The following PACS2 variants were observed in gnomAD, a reference collection of about 807,000 sequenced individuals.
PACS2 encodes the protein phosphofurin acidic cluster sorting protein 2, also known as PACS1-like protein.
A neutral mutation model predicts 113.0 loss-of-function variants in PACS2; 36 were observed. That is an observed-to-expected ratio of 0.32 (90% CI 0.24 to 0.42). The LOEUF (loss-of-function observed/expected upper bound fraction) is 0.42, where lower values mean the gene tolerates loss of function less well. Among genes scored for constraint, PACS2 ranks in the 10% least tolerant of loss-of-function variants. PACS2 has a pLI of 1.00. For synonymous variants in PACS2, 589 were observed against 536.1 expected (o/e 1.10, Z -1.36); for missense variants, 1,015 against 1,239.5 (o/e 0.82, Z 2.72).
upstream of PACS2, among the ~76,000 whole-genome samples, chr14:105,312,627 C>T (rs902934457): frequency 1.2e-4 from 19 of 152,092 alleles, no homozygotes; most frequent in African/African-American, 4.4e-4. Context: ...GGATCTCCTC[C>T]TGTGACCCAC....
chr14:105,393,076 C>T (rs781856443), intron 23 of PACS2, 146 bp from the exon 24 acceptor site: 12 of 725,594 alleles, frequency 1.7e-5, no homozygotes, highest in Non-Finnish European at 2.9e-5. Flanking sequence ...AGCAGCTGTC[C>T]TCAGTCACCG....
At chr14:105,387,508 C>T (rs1555413856) in intron 19 of PACS2, among the ~76,000 whole-genome samples, 1 of 152,222 alleles carries the variant, frequency 6.6e-6, no homozygotes, top group African/African-American at 2.4e-5. Context: ...GTGGTATGCT[C>T]CTTACACTCC....
Position 105,385,702 on chromosome 14 carries a change from T to G in PACS2, c.2018T>G (p.Phe673Cys). 1 of 1,520,536 alleles carries G rather than the reference T, an allele frequency of 6.6e-7. No individual in the cohort carries two copies. The highest frequency in any genetic ancestry group is 8.8e-7 in the Non-Finnish European group (1 of 1,137,554). 94.2% of individuals were successfully genotyped at this position (1,520,536 alleles called of 1,614,324 possible). Residue 673 changes from phenylalanine (F) to cysteine (C), a missense_variant, in exon 19 of 25, where the codon TTT (phenylalanine) becomes TGT (cysteine). This residue lies in a region of PACS2 where 859 missense variants were observed against 1,056.8 expected (regional missense o/e 0.81). Transcript: ENST00000447393. Reference sequence around the variant, plus strand: ...CTGAAAAGGAAAAAGCATTTTCATTTTGACTTTACCCTAAGGTACGGCTCT... The same window carrying G: ...CTGAAAAGGAAAAAGCATTTTCATTGTGACTTTACCCTAAGGTACGGCTCT... ...YKQKRKKHFH[F>C]DFTLSPDEES...
At chr14:105,313,122 T>C (rs890926732), upstream of PACS2, among the ~76,000 whole-genome samples, 12 of 152,260 alleles carry the variant, frequency 7.9e-5, no homozygotes, top group African/African-American at 2.2e-4. Context: ...ATCTCCTCAC[T>C]TGACCCCCAG....
intron 1 of PACS2, among the ~76,000 whole-genome samples, chr14:105,331,175 A>C (rs1273801034): frequency 6.6e-6 from 1 of 152,034 alleles, no homozygotes; most frequent in Non-Finnish European, 1.5e-5. Context: ...GGCTGGTCTC[A>C]AACTCCTGAC....
intron 19 of PACS2, 46 bp downstream of exon 19, chr14:105,385,763 G>A (rs1175397281): frequency 1.0e-5 from 13 of 1,290,196 alleles, no homozygotes; most frequent in African/African-American, 1.5e-5. Flanking sequence ...TCCCCAGGCT[G>A]GTCTTCAGGG....
chr14:105,354,126 A>C lies in PACS2; in HGVS notation c.298-926A>C, dbSNP rs1358505615. 6.6e-6 allele frequency among the ~76,000 whole-genome samples: 1 copy of C among 151,692 alleles called. No individual in the cohort carries two copies. ...AATATAATAACGAGGGCAAAAAAAC[A>C]CTTACTGAGTCAAGGCTATTTTGCT... is the stretch of plus-strand genomic sequence containing the variant. On this transcript the variant is annotated intron_variant, in intron 3 of 24. Transcript: ENST00000447393. This position sits in a 1 kb window ranked among gnomAD's most constrained non-coding sequence, Gnocchi z 4.2.
rs765999259 is a variant in PACS2 at position 105,315,073 on chromosome 14, C to T, written c.119+36C>T. The T allele has an allele frequency of 1.8e-6, 2 of 1,122,324 alleles. No homozygotes were observed. The highest frequency in any genetic ancestry group is 2.7e-5 in the South Asian group (1 of 37,684). 69.5% of individuals were successfully genotyped at this position (1,122,324 alleles called of 1,614,324 possible). On this transcript the variant is annotated intron_variant, in intron 1 of 24. Coordinates refer to ENST00000447393, the MANE Select transcript of PACS2 (RefSeq NM_001100913.3). This position sits in a 1 kb window ranked among gnomAD's most constrained non-coding sequence, Gnocchi z 4.4. ...CCCGCCGCGCTTTGTTCCCGCCGGG[C>T]ACCTGCTGGGGGTGTCCTGGCCGCG... is the stretch of plus-strand genomic sequence containing the variant.
At position 105,317,432 on chromosome 14, in the gene PACS2, T is replaced by TC. The variant is rs2058719790; in HGVS notation, c.119+2397dup. Reference sequence around the variant, plus strand: ...AGTTTTCCAGAGTGGTTGTGCCTGCTCCGGCCCCCACTGACAGGGACGAGA... The same window carrying TC: ...AGTTTTCCAGAGTGGTTGTGCCTGCTCCCGGCCCCCACTGACAGGGACGAGA... On this transcript the variant is annotated intron_variant, in intron 1 of 24. Transcript: ENST00000447393. This position sits in a 1 kb window ranked among gnomAD's most constrained non-coding sequence, Gnocchi z 4.2. Among the ~76,000 whole-genome samples the TC allele has an allele frequency of 6.6e-6, 1 of 152,204 alleles. No individual in the cohort carries two copies. Among genetic ancestry groups the TC allele is most frequent in the East Asian group, 1.9e-4 (1 of 5,188 alleles).
chr14:105,333,199 C>T (rs893550671), intron 1 of PACS2, among the ~76,000 whole-genome samples: 1 of 151,578 alleles, frequency 6.6e-6, no homozygotes, highest in Non-Finnish European at 1.5e-5. Flanking sequence ...CAGTCCCCAC[C>T]CCCTCCTGCT....
intron 1 of PACS2, among the ~76,000 whole-genome samples, chr14:105,318,753 G>A (rs1656254097): frequency 6.6e-6 from 1 of 150,636 alleles, no homozygotes; most frequent in African/African-American, 2.5e-5. Flanking sequence ...CCGCCTCCTG[G>A]GTTCACACCA....
intron 18 of PACS2, 47 bp downstream of exon 18, chr14:105,385,034 C>T: frequency 8.0e-7 from 1 of 1,242,826 alleles, no homozygotes; most frequent in Non-Finnish European, 1.2e-6. Flanking sequence ...CCGCCAGCCA[C>T]CAACCCTCCG....
chr14:105,336,371 C>T (rs138210291), intron 1 of PACS2: 44 of 152,440 alleles, frequency 2.9e-4, no homozygotes, highest in African/African-American at 1.0e-3. Flanking sequence ...GTGGCGCGGC[C>T]GCTTGCCAGG....
chr14:105,382,614 G>A, intron 14 of PACS2, 33 bp downstream of exon 14: 1 of 1,347,070 alleles, frequency 7.4e-7, no homozygotes. Flanking sequence ...TGGAGGGTCA[G>A]GGTGTAGGAC....
chr14:105,378,881 G>GGCCTGGATCA (rs1197350219), intron 9 of PACS2, among the ~76,000 whole-genome samples: 1 of 152,116 alleles, frequency 6.6e-6, no homozygotes, highest in African/African-American at 2.4e-5. Context: ...AGGCATGGGT[G>GGCCTGGATCA]GCCTGGATCA....
At chr14:105,302,176 G>A (rs1036187523) in intron 1 of PACS2, among the ~76,000 whole-genome samples, 2 of 150,886 alleles carry the variant, frequency 1.3e-5, no homozygotes, top group African/African-American at 4.8e-5. Flanking sequence ...AAGGAAATGC[G>A]GAAGACCCCA....
At chr14:105,386,071 C>T (rs2081166946) in intron 19 of PACS2, among the ~76,000 whole-genome samples, 1 of 152,208 alleles carries the variant, frequency 6.6e-6, no homozygotes, top group Admixed American at 6.5e-5. Flanking sequence ...CTGTTTTGAC[C>T]CTGGGTTTTG....
At chr14:105,309,753 A>G (rs1444407127), upstream of PACS2, among the ~76,000 whole-genome samples, 1 of 146,488 alleles carries the variant, frequency 6.8e-6, no homozygotes, top group Non-Finnish European at 1.5e-5. The surrounding 1 kb of genome is among the most constrained non-coding windows in gnomAD (Gnocchi z 4.0). Flanking sequence ...AGCCTGCATT[A>G]AGGAGAAGGT....
chr14:105,394,452 T>C, intron 24 of PACS2, 102 bp from the exon 25 acceptor site: 2 of 1,563,426 alleles, frequency 1.3e-6, no homozygotes, highest in Non-Finnish European at 1.7e-6. Context: ...CTTCTCATCC[T>C]GTACGCCCGG....
Sources: gnomAD v4.1 joint callset for allele counts (sites outside exome capture counted in the v4.1 genomes callset) on GRCh38, gnomAD v4.1.1 for gene constraint, gnomAD v4.1.1 regional missense constraint, Gnocchi (gnomAD v3.1) non-coding constraint, MANE v1.5 for transcripts, NCBI Gene and HGNC (gene_info 2026-07-23, HGNC 2026-07-21) for gene names.